The following SPRY3 variants were observed in gnomAD, a reference collection of about 807,000 sequenced individuals.
SPRY3 encodes sprouty RTK signaling antagonist 3.
A neutral mutation model predicts 20.2 loss-of-function variants in SPRY3; 15 were observed. The ratio of observed to expected loss-of-function variants is 0.74; its 90% CI spans 0.50 to 1.14. SPRY3 has a LOEUF of 1.14. Ranked by LOEUF, SPRY3 falls within the 50% of genes most tolerant of loss-of-function variation. The probability of loss-of-function intolerance (pLI) is 0.00; values close to 1 mark genes in which losing one functional copy is unlikely to be tolerated. For synonymous variants in SPRY3, 143 were observed against 136.5 expected, an observed-to-expected ratio of 1.05 and a Z score of -0.33; for missense variants, 364 against 363.9, an observed-to-expected ratio of 1.00 and a Z score of 0.00.
At chrX:155,774,695 C>G in exon 4 of SPRY3, 1 of 1,613,920 alleles carries the variant, frequency 6.2e-7, no homozygotes, top group East Asian at 2.2e-5. Context: ...AAGATCTCTT[C>G]TGGTAGTGCA....
At chrX:155,719,049 T>C (rs2091039606) in intron 2 of SPRY3, among the ~76,000 whole-genome samples, 1 of 152,164 alleles carries the variant, frequency 6.6e-6, no homozygotes, top group African/African-American at 2.4e-5. Context: ...AAAGAGGCAC[T>C]GAAGAGGTAG....
At chrX:155,760,877 G>T (rs778772208) in intron 2 of SPRY3, among the ~76,000 whole-genome samples, 9 of 152,092 alleles carry the variant, frequency 5.9e-5, no homozygotes, top group Non-Finnish European at 7.4e-5. Flanking sequence ...CCGGTCCATG[G>T]TCTGCGGGCT....
intron 1 of SPRY3, among the ~76,000 whole-genome samples, chrX:155,632,249 A>ACACACACACG (rs1314359224): frequency 9.0e-5 from 10 of 110,929 alleles, no homozygotes; most frequent in Non-Finnish European, 1.5e-4. Context: ...ACACACACGC[A>ACACACACACG]CACACACACT....
intron 2 of SPRY3, among the ~76,000 whole-genome samples, chrX:155,676,256 A>G (rs888409575): frequency 9.0e-6 from 1 of 110,909 alleles, no homozygotes; most frequent in Non-Finnish European, 1.9e-5. Flanking sequence ...TTTTTCATCT[A>G]TCTTGGGTTA....
chrX:155,781,756 T>C (rs2091464401), downstream of SPRY3: 1 of 167,048 alleles, frequency 6.0e-6, no homozygotes, highest in South Asian at 2.1e-4. Flanking sequence ...AACATATATG[T>C]GGGGCTAAGT....
intron 2 of SPRY3, among the ~76,000 whole-genome samples, chrX:155,748,419 A>T (rs1186943873): frequency 6.6e-6 from 1 of 151,748 alleles, no homozygotes; most frequent in Non-Finnish European, 1.5e-5. Flanking sequence ...TTAGGGAGTG[A>T]CTCTACCAAG....
intron 2 of SPRY3, among the ~76,000 whole-genome samples, chrX:155,698,972 T>A (rs1195147413): frequency 8.9e-6 from 1 of 112,184 alleles, no homozygotes; most frequent in Non-Finnish European, 1.9e-5. Context: ...AAGACTGAAT[T>A]CTTGTTTCCA....
intron 1 of SPRY3, among the ~76,000 whole-genome samples, chrX:155,643,842 G>A (rs1164050149): frequency 9.0e-6 from 1 of 111,663 alleles, no homozygotes; most frequent in Non-Finnish European, 1.9e-5. Context: ...TTTAAAAGTT[G>A]TTGCAGTTAT....
intron 2 of SPRY3, among the ~76,000 whole-genome samples, chrX:155,657,693 G>C (rs907157237): frequency 1.8e-5 from 2 of 112,161 alleles, no homozygotes; most frequent in East Asian, 5.6e-4. Flanking sequence ...AGCTAGCTCA[G>C]TGTCTGCCCG....
At chrX:155,708,917 G>A (rs768350084) in intron 2 of SPRY3, among the ~76,000 whole-genome samples, 1 of 151,246 alleles carries the variant, frequency 6.6e-6, no homozygotes, top group South Asian at 2.1e-4. Flanking sequence ...TTGAGGCTCT[G>A]GTATCCATTC....
At chrX:155,715,001 T>C (rs747168432) in intron 2 of SPRY3, among the ~76,000 whole-genome samples, 2 of 152,174 alleles carry the variant, frequency 1.3e-5, no homozygotes, top group East Asian at 3.9e-4. Flanking sequence ...CCAGAGCAGG[T>C]CCAGAAATGC....
At chrX:155,618,935 A>G (rs2067862446) in intron 1 of SPRY3, among the ~76,000 whole-genome samples, 1 of 111,231 alleles carries the variant, frequency 9.0e-6, no homozygotes, top group Admixed American at 9.6e-5. Flanking sequence ...TTATATATTT[A>G]ACATACTAAT....
At chrX:155,691,926 G>C (rs922473004) in intron 2 of SPRY3, among the ~76,000 whole-genome samples, 2 of 86,614 alleles carry the variant, frequency 2.3e-5, no homozygotes, top group Non-Finnish European at 4.3e-5. Context: ...GGGTCTTACT[G>C]TGTTGCCCAG....
chrX:155,710,073 A>G (rs1268352283), intron 2 of SPRY3, among the ~76,000 whole-genome samples: 8 of 151,798 alleles, frequency 5.3e-5, no homozygotes. Flanking sequence ...GCTCTGTAAT[A>G]TAATTTGAAG....
chrX:155,717,563 C>CA (rs2091031449), intron 2 of SPRY3, among the ~76,000 whole-genome samples: 1 of 151,990 alleles, frequency 6.6e-6, no homozygotes. Context: ...TCTTGCCCCC[C>CA]ACCCCCTGAC....
chrX:155,767,484 T>C (rs114018735), intron 2 of SPRY3, among the ~76,000 whole-genome samples: 2,246 of 152,050 alleles, frequency 0.015, 45 homozygotes, highest in African/African-American at 0.052. Context: ...AACTGCAGTT[T>C]CTGCTGCTTC....
intron 2 of SPRY3, among the ~76,000 whole-genome samples, chrX:155,733,005 C>T (rs2091144104): frequency 6.6e-6 from 1 of 151,622 alleles, no homozygotes; most frequent in Non-Finnish European, 1.5e-5. Context: ...GTTACCAGAG[C>T]CTAGAAGTGT....
downstream of SPRY3, chrX:155,779,306 C>T (rs2091449402): frequency 6.0e-6 from 1 of 167,124 alleles, no homozygotes; most frequent in Admixed American, 6.5e-5. Flanking sequence ...ATTTAAAGTG[C>T]TACACTAGGG....
chrX:155,624,798 C>T (rs1029289955), intron 1 of SPRY3, among the ~76,000 whole-genome samples: 2 of 111,814 alleles, frequency 1.8e-5, no homozygotes, highest in African/African-American at 6.5e-5. Context: ...TAATAGACTA[C>T]AGCAGAGTAT....
Sources: allele counts gnomAD v4.1 joint callset (sites outside exome capture counted in the v4.1 genomes callset), GRCh38; gene constraint gnomAD v4.1.1; transcripts MANE v1.5; gene names NCBI Gene and HGNC (gene_info 2026-07-23, HGNC 2026-07-21).